The following SPRY3 variants were observed in gnomAD, a reference collection of about 807,000 sequenced individuals.
SPRY3 encodes the protein protein sprouty homolog 3.
SPRY3 carries 15 observed loss-of-function variants against 20.2 expected under a neutral mutation model. The observed-to-expected ratio is 0.74, with a 90% CI of 0.50 to 1.14. The LOEUF (loss-of-function observed/expected upper bound fraction) is 1.14, where lower values mean the gene tolerates loss of function less well. Ranked by LOEUF, SPRY3 falls within the 50% of genes most tolerant of loss-of-function variation. The pLI, the probability that SPRY3 is intolerant of heterozygous loss-of-function variation, is 0.00. For missense variants in SPRY3, 364 were observed against 363.9 expected, an observed-to-expected ratio of 1.00 and a Z score of 0.00; for synonymous variants, 143 against 136.5, an observed-to-expected ratio of 1.05 and a Z score of -0.33.
At chrX:155,638,741 G>A (rs143552821) in intron 1 of SPRY3, among the ~76,000 whole-genome samples, 1,313 of 111,060 alleles carry the variant, frequency 0.012, 3 homozygotes, top group Middle Eastern at 0.018. Context: ...CCATCAATAC[G>A]ATAGTGCTAG....
intron 2 of SPRY3, among the ~76,000 whole-genome samples, chrX:155,681,540 T>C (rs1316059779): frequency 8.9e-6 from 1 of 112,552 alleles, no homozygotes; most frequent in Non-Finnish European, 1.9e-5. Context: ...GGAAGGCATT[T>C]CAAAAGCTGA....
At chrX:155,766,243 A>G (rs1045571138) in intron 2 of SPRY3, among the ~76,000 whole-genome samples, 1 of 152,164 alleles carries the variant, frequency 6.6e-6, no homozygotes, top group African/African-American at 2.4e-5. Flanking sequence ...AGACCCACAC[A>G]GCCGTACTTT....
At chrX:155,692,787 G>T (rs1033993391) in intron 2 of SPRY3, among the ~76,000 whole-genome samples, 1 of 111,203 alleles carries the variant, frequency 9.0e-6, no homozygotes, top group Non-Finnish European at 1.9e-5. Context: ...CAAGGAATTT[G>T]TTCATCTAAA....
chrX:155,752,953 AT>A, intron 2 of SPRY3, among the ~76,000 whole-genome samples: 1 of 152,032 alleles, frequency 6.6e-6, no homozygotes, highest in African/African-American at 2.4e-5. Context: ...CATTTTTGTA[AT>A]ACCAAAAGTC....
At chrX:155,744,295 C>A (rs2091216085) in intron 2 of SPRY3, among the ~76,000 whole-genome samples, 1 of 152,016 alleles carries the variant, frequency 6.6e-6, no homozygotes, top group Non-Finnish European at 1.5e-5. Flanking sequence ...AGAATGAAGG[C>A]AATGTCCTAC....
At chrX:155,748,356 A>G (rs1472005957) in intron 2 of SPRY3, among the ~76,000 whole-genome samples, 1 of 151,874 alleles carries the variant, frequency 6.6e-6, no homozygotes, top group East Asian at 1.9e-4. Flanking sequence ...GCCCAGAAGT[A>G]GGTGGTATCA....
chrX:155,725,785 AT>A (rs1302000746), intron 2 of SPRY3, among the ~76,000 whole-genome samples: 1 of 151,846 alleles, frequency 6.6e-6, no homozygotes, highest in Non-Finnish European at 1.5e-5. Flanking sequence ...GGATTCATTG[AT>A]TTTTTGAAGG....
chrX:155,719,274 G>C (rs2091041081), intron 2 of SPRY3, among the ~76,000 whole-genome samples: 1 of 152,122 alleles, frequency 6.6e-6, no homozygotes, highest in South Asian at 2.1e-4. Flanking sequence ...ATTTAAACCA[G>C]CCCTGGCCAG....
In SPRY3 at chrX:155,760,186, T is replaced by C. The variant is rs1420727957; in HGVS notation, c.-281-7776T>C. Among the ~76,000 whole-genome samples, 4 of 152,222 alleles carry C rather than the reference T, an allele frequency of 2.6e-5. No individual in the cohort carries two copies. The East Asian group carries it at 5.8e-4, about 22-fold the overall frequency. Reference sequence around the variant, plus strand: ...ATGCCTACCATTTGTTGAGTGCCTATATTACTTATTACTTACATTATCTCA... The same window carrying C: ...ATGCCTACCATTTGTTGAGTGCCTACATTACTTATTACTTACATTATCTCA... On this transcript the variant is annotated intron_variant, in intron 2 of 3. Transcript: ENST00000675360.
intron 2 of SPRY3, among the ~76,000 whole-genome samples, chrX:155,717,937 C>A (rs997763373): frequency 1.3e-5 from 2 of 151,894 alleles, no homozygotes; most frequent in African/African-American, 4.8e-5. Flanking sequence ...GCCCTATGCT[C>A]CAAGTCAAGC....
chrX:155,633,579 G>A (rs2067914121), intron 1 of SPRY3, among the ~76,000 whole-genome samples: 1 of 110,215 alleles, frequency 9.1e-6, no homozygotes, highest in Admixed American at 9.7e-5. Context: ...GATCTTTTGG[G>A]GGATATTAGA....
At chrX:155,731,679 C>T (rs1026308710) in intron 2 of SPRY3, among the ~76,000 whole-genome samples, 1 of 151,994 alleles carries the variant, frequency 6.6e-6, no homozygotes, top group African/African-American at 2.4e-5. Context: ...AGTTAACAAG[C>T]TTCTGCACAG....
intron 2 of SPRY3, among the ~76,000 whole-genome samples, chrX:155,676,895 T>C (rs2068060155): frequency 8.9e-6 from 1 of 111,769 alleles, no homozygotes; most frequent in Non-Finnish European, 1.9e-5. Flanking sequence ...ACCTGAATTT[T>C]TGAGGGGATA....
intron 1 of SPRY3, among the ~76,000 whole-genome samples, chrX:155,632,223 A>G (rs938736323): frequency 9.3e-6 from 1 of 107,181 alleles, no homozygotes; most frequent in Admixed American, 1.0e-4. Flanking sequence ...CAGCCACCAC[A>G]CACACACACA....
chrX:155,739,817 G>A (rs1214932201), intron 2 of SPRY3, among the ~76,000 whole-genome samples: 1 of 152,080 alleles, frequency 6.6e-6, no homozygotes, highest in Non-Finnish European at 1.5e-5. Context: ...CCATTCAAAG[G>A]CCAGCAACCT....
chrX:155,762,590 C>T (rs1392919455), intron 2 of SPRY3, among the ~76,000 whole-genome samples: 1 of 152,012 alleles, frequency 6.6e-6, no homozygotes, highest in Non-Finnish European at 1.5e-5. Context: ...GTGATGTCAT[C>T]TCAAATAAAA....
intron 2 of SPRY3, among the ~76,000 whole-genome samples, chrX:155,749,995 A>G (rs923973156): frequency 6.6e-6 from 1 of 151,902 alleles, no homozygotes; most frequent in African/African-American, 2.4e-5. Flanking sequence ...TAGATAAACA[A>G]TAGAAGAGGA....
intron 2 of SPRY3, among the ~76,000 whole-genome samples, chrX:155,713,173 A>G (rs2090998866): frequency 6.6e-6 from 1 of 151,998 alleles, no homozygotes; most frequent in Non-Finnish European, 1.5e-5. Flanking sequence ...TACATGTGCC[A>G]TGGTGGTTTG....
chrX:155,732,002 G>A (rs930095629), intron 2 of SPRY3, among the ~76,000 whole-genome samples: 1 of 152,012 alleles, frequency 6.6e-6, no homozygotes, highest in East Asian at 1.9e-4. Flanking sequence ...TGGTATTTCC[G>A]TTTACAAAAT....
Sources: allele counts gnomAD v4.1 joint callset (sites outside exome capture counted in the v4.1 genomes callset), GRCh38; gene constraint gnomAD v4.1.1; transcripts MANE v1.5; gene names NCBI Gene and HGNC (gene_info 2026-07-23, HGNC 2026-07-21).